The following COQ4 variants were observed in gnomAD, a reference collection of about 807,000 sequenced individuals.
COQ4 encodes coenzyme Q4, also known as ubiquinone biosynthesis protein COQ4 homolog, mitochondrial.
COQ4 carries 36 observed loss-of-function variants against 30.2 expected under a neutral mutation model. The ratio of observed to expected loss-of-function variants is 1.19; its 90% CI spans 0.91 to 1.57. COQ4 has a LOEUF of 1.57. Ranked by LOEUF, COQ4 falls within the 40% of genes most tolerant of loss-of-function variation. COQ4 has a pLI of 0.00. For missense variants in COQ4, 369 were observed against 371.9 expected, an observed-to-expected ratio of 0.99 and a Z score of 0.07; for synonymous variants, 197 against 161.0, an observed-to-expected ratio of 1.22 and a Z score of -1.69.
intron 4 of COQ4, 43 bp from the exon 5 acceptor site, chr9:128,332,110 G>A: frequency 6.5e-7 from 1 of 1,544,144 alleles, no homozygotes; most frequent in South Asian, 1.2e-5. Context: ...TCGGGCCCTG[G>A]GAACCATCAG....
Position 128,325,788 on chromosome 9 carries a change from C to G in COQ4, c.309C>G (p.Pro103=). Residue 103 remains proline, a synonymous_variant, in exon 4 of 7, where the codon CCC becomes CCG. Transcript: ENST00000300452. ...AAGTCTTGCCTTTCAGGGAGCGTCC[C>G]CGGATTTCGACATCCACCCTCGACC... is the stretch of plus-strand genomic sequence containing the variant. ...PEGAQILQER[P]RISTSTLDLG... 6.2e-7 allele frequency: 1 copy of G among 1,614,090 alleles called. No homozygotes were observed. The highest frequency in any genetic ancestry group is 1.1e-5 in the South Asian group (1 of 91,072).
chr9:128,323,267 G>A (rs1164482795), intron 2 of COQ4, 120 bp downstream of exon 2: 1 of 1,001,478 alleles, frequency 1.0e-6, no homozygotes, highest in Non-Finnish European at 1.4e-6. Flanking sequence ...CACTCGGAAC[G>A]TTTATGAAAA....
In COQ4 at chr9:128,323,130, A is replaced by G. The variant is rs1479994966; in HGVS notation, c.185A>G (p.Tyr62Cys). The change falls in exon 2 of 7, where the codon TAT becomes TGT. Residue 62 changes from tyrosine (Y) to cysteine (C), a missense_variant. By Grantham distance (194) the Tyr-to-Cys change is radical. Coordinates refer to ENST00000300452, the MANE Select transcript of COQ4 (RefSeq NM_016035.5). ...GCCGGCTCCGCGGCGATGGCGCTCT[A>G]TAACCCCTACCGCCACGGTAAGGCC... ...LAAGSAAMAL[Y>C]NPYRHDMVAV... 5 of 1,606,966 alleles carry G rather than the reference A, an allele frequency of 3.1e-6. No homozygotes were observed. The highest frequency in any genetic ancestry group is 1.7e-4 in the Middle Eastern group (1 of 5,946).
Position 128,323,035 on chromosome 9 carries a change from G to C in COQ4, c.90G>C (p.Arg30Ser). The C allele has an allele frequency of 6.2e-7, 1 of 1,612,040 alleles. No homozygotes were observed. Residue 30 changes from arginine (R) to serine (S), a missense_variant, in exon 2 of 7, where the codon AGG (arginine) becomes AGC (serine). By Grantham distance (110) the Arg-to-Ser change is moderately radical (BLOSUM62 -1). Coordinates refer to ENST00000300452, the MANE Select transcript of COQ4 (RefSeq NM_016035.5). ...RPAAEMPLRA[R>S]SDGAGPLYSH... Reference sequence around the variant, plus strand: ...CCGCAGAAATGCCCCTCCGGGCTAGGAGCGACGGCGCCGGCCCGCTATACT... The same window carrying C: ...CCGCAGAAATGCCCCTCCGGGCTAGCAGCGACGGCGCCGGCCCGCTATACT...
At chr9:128,325,722 T>G in intron 3 of COQ4, 57 bp from the exon 4 acceptor site, 1 of 1,369,934 alleles carries the variant, frequency 7.3e-7, no homozygotes, top group Non-Finnish European at 1.0e-6. Context: ...TCGCTGTAGT[T>G]GGATCGTTCA....
Position 128,325,862 on chromosome 9 carries a change from T to TC in COQ4, c.385dup (p.Arg129ProfsTer21), listed in dbSNP as rs1440543613. ...GAAGGCTCCCTCGGTCGCGAGTATC[T>TC]CCGTTTCCTGGATGTGAACGTGAGT... On this transcript the variant is annotated frameshift_variant, in exon 4 of 7. Coordinates refer to ENST00000300452, the MANE Select transcript of COQ4 (RefSeq NM_016035.5). LOFTEE classifies it high-confidence loss of function. The TC allele has an allele frequency of 1.2e-6, 2 of 1,614,132 alleles. No homozygotes were observed. Among genetic ancestry groups the TC allele is most frequent in the Admixed American group, 3.3e-5 (2 of 60,018 alleles).
At chr9:128,328,482 T>G (rs1832356840) in intron 4 of COQ4, among the ~76,000 whole-genome samples, 2 of 152,182 alleles carry the variant, frequency 1.3e-5, no homozygotes, top group African/African-American at 4.8e-5. Context: ...CTCTTTGTTG[T>G]GGGGGCGGTC....
At position 128,332,869 on chromosome 9, in the gene COQ4, G is replaced by C. The variant is rs1221497220; in HGVS notation, c.552G>C (p.Trp184Cys). Reference protein sequence around the residue: ...TNILGEIVVKWFEAVQTGLPM... With the variant: ...TNILGEIVVKCFEAVQTGLPM... The stretch of plus-strand genomic sequence containing the variant: ...CCACAGGGGAGATCGTGGTGAAATG[G>C]TTTGAGGCTGTCCAGACTGGCCTGC... Residue 184 changes from tryptophan (W) to cysteine (C), a missense_variant, in exon 6 of 7, where the codon TGG becomes TGC. Physicochemically the swap from Trp to Cys is radical, Grantham distance 215. Coordinates refer to ENST00000300452, the MANE Select transcript of COQ4 (RefSeq NM_016035.5). The C allele has an allele frequency of 6.2e-7, 1 of 1,613,998 alleles. No homozygotes were observed. Among genetic ancestry groups the C allele is most frequent in the African/African-American group, 1.3e-5 (1 of 74,928 alleles).
At position 128,326,881 on chromosome 9, in the gene COQ4, TG is replaced by T. The variant is rs1353548043; in HGVS notation, c.402+1003del. ...CTCCTGCCTCAACCCCCCACGTAGC[TG>T]GGACTACAGGTGCACACCACAACGC... On this transcript the variant is annotated intron_variant, in intron 4 of 6. Coordinates refer to ENST00000300452, the MANE Select transcript of COQ4 (RefSeq NM_016035.5). 5.3e-5 allele frequency among the ~76,000 whole-genome samples: 8 copies of T among 152,130 alleles called. No homozygotes were observed. In the East Asian group the frequency reaches 1.4e-3, roughly 26 times the overall value.
At chr9:128,327,575 G>A (rs1398539651) in intron 4 of COQ4, among the ~76,000 whole-genome samples, 3 of 152,138 alleles carry the variant, frequency 2.0e-5, no homozygotes, top group Non-Finnish European at 4.4e-5. Context: ...TGAAGTGGGC[G>A]GATCACTTGA....
intron 4 of COQ4, among the ~76,000 whole-genome samples, chr9:128,328,576 C>A (rs891588457): frequency 6.6e-6 from 1 of 152,220 alleles, no homozygotes; most frequent in Non-Finnish European, 1.5e-5. Flanking sequence ...TTGTGACAAC[C>A]ACAGATGTCT....
intron 4 of COQ4, chr9:128,330,437 A>T (rs1278696332): frequency 1.4e-4 from 22 of 152,214 alleles, no homozygotes; most frequent in Non-Finnish European, 1.5e-5. Flanking sequence ...ATTTTCTGCC[A>T]GCTACTTTAA....
intron 4 of COQ4, chr9:128,331,853 G>A (rs186008864): frequency 7.2e-4 from 138 of 190,678 alleles, no homozygotes; most frequent in Middle Eastern, 6.4e-3. Context: ...TCAGCCTCCC[G>A]AGTAGCTGGG....
At chr9:128,332,577 A>G (rs906862709) in intron 5 of COQ4, 2 of 584,710 alleles carry the variant, frequency 3.4e-6, no homozygotes, top group Non-Finnish European at 6.1e-6. Flanking sequence ...TGCAGGAACC[A>G]TCCTGGAGTG....
intron 4 of COQ4, chr9:128,330,990 G>C (rs986906997): frequency 6.6e-6 from 1 of 151,760 alleles, no homozygotes; most frequent in African/African-American, 2.4e-5. Flanking sequence ...GGCGCCCGCC[G>C]CCACGCCCGG....
chr9:128,331,894 A>C, intron 4 of COQ4: 1 of 305,758 alleles, frequency 3.3e-6, no homozygotes, highest in Non-Finnish European at 6.3e-6. Flanking sequence ...CACCCGGCTA[A>C]TTTTTGTATT....
intron 4 of COQ4, among the ~76,000 whole-genome samples, chr9:128,327,280 T>C (rs1383010923): frequency 1.3e-5 from 2 of 151,396 alleles, no homozygotes; most frequent in Admixed American, 1.3e-4. Context: ...CTGTCTCTAC[T>C]AAAAATACAA....
chr9:128,332,875 G>A lies in COQ4; in HGVS notation c.558G>A (p.Glu186=). 1 of 1,614,156 alleles carries A rather than the reference G, an allele frequency of 6.2e-7. No individual in the cohort carries two copies. Among genetic ancestry groups the A allele is most frequent in the Non-Finnish European group, 8.5e-7 (1 of 1,179,988 alleles). Residue 186 remains glutamate (E), a synonymous_variant, in exon 6 of 7, where the codon GAG becomes GAA. Coordinates refer to ENST00000300452, the MANE Select transcript of COQ4 (RefSeq NM_016035.5). ...GGGAGATCGTGGTGAAATGGTTTGA[G>A]GCTGTCCAGACTGGCCTGCCCATGT... ...ILGEIVVKWF[E]AVQTGLPMCI... is the part of the protein sequence containing the mutation.
rs1170981278 is a variant in COQ4, at chr9:128,322,927, A to G, written c.69A>G (p.Ala23=). The G allele has an allele frequency of 2.5e-6, 4 of 1,600,982 alleles. No homozygotes were observed. In the African/African-American group the frequency reaches 5.4e-5, roughly 21 times the overall value. The change falls in exon 1 of 7, where the codon GCA becomes GCG. Residue 23 remains alanine, a splice_region_variant and synonymous_variant. Coordinates refer to ENST00000300452, the MANE Select transcript of COQ4 (RefSeq NM_016035.5). ...TCCCGGGCCTACAGCGGCCTGCGGCAGGCAAGTGGCGCCGGGTTCTGGGCG... is the reference window on the plus strand; with the variant it reads ...TCCCGGGCCTACAGCGGCCTGCGGCGGGCAAGTGGCGCCGGGTTCTGGGCG... ...CGLPGLQRPA[A]EMPLRARSDG...
Sources: gnomAD v4.1 joint callset for allele counts (sites outside exome capture counted in the v4.1 genomes callset) on GRCh38, gnomAD v4.1.1 for gene constraint, MANE v1.5 for transcripts, NCBI Gene and HGNC (gene_info 2026-07-23, HGNC 2026-07-21) for gene names.